Variants in EXOC5 observed in about 807,000 individuals in gnomAD.
The protein encoded by EXOC5 is exocyst complex component 5.
EXOC5 carries 17 observed loss-of-function variants against 90.8 expected under a neutral mutation model. That is an observed-to-expected ratio of 0.19 (90% confidence interval 0.13 to 0.28). EXOC5 has a LOEUF of 0.28. EXOC5 is among the 10% of genes least tolerant of loss of function. EXOC5 has a pLI of 1.00. For synonymous variants in EXOC5, 260 were observed against 270.0 expected, an observed-to-expected ratio of 0.96 and a Z score of 0.36; for missense variants, 569 against 830.6, an observed-to-expected ratio of 0.69 and a Z score of 3.87.
At chr14:57,224,298 C>CG (rs1319228183) in intron 12 of EXOC5, among the ~76,000 whole-genome samples, 1 of 151,232 alleles carries the variant, frequency 6.6e-6, no homozygotes, top group Non-Finnish European at 1.5e-5. Flanking sequence ...GCTGGTTCTT[C>CG]GGGGGGAAAT....
At chr14:57,267,804 T>C (rs114587688) in intron 1 of EXOC5, among the ~76,000 whole-genome samples, 1,553 of 152,320 alleles carry the variant, frequency 0.01, 27 homozygotes, top group African/African-American at 0.036. Flanking sequence ...ATTAGTATTC[T>C]CACTATTACA....
At chr14:57,230,314 A>C (rs1056199149) in intron 11 of EXOC5, among the ~76,000 whole-genome samples, 3 of 152,184 alleles carry the variant, frequency 2.0e-5, no homozygotes, top group Admixed American at 6.5e-5. Context: ...TATATTAAAC[A>C]TAATTTAGCT....
In EXOC5 at chr14:57,239,583, A is replaced by G; in HGVS notation, c.530+12T>C. On this transcript the variant is annotated intron_variant, in intron 5 of 17. Coordinates refer to ENST00000621441, the MANE Select transcript of EXOC5 (RefSeq NM_006544.4). ...CCACATATTCAAATTAGCTCTTGAG[A>G]AATGAACTTGCCTATCAAAAGGTAA... 7.0e-7 allele frequency: 1 copy of G among 1,424,556 alleles called. No homozygotes were observed. Among genetic ancestry groups the G allele is most frequent in the Non-Finnish European group, 9.6e-7 (1 of 1,042,170 alleles). The allele number at this position is 1,424,556 out of a possible 1,614,324, so 88.2% of individuals were successfully genotyped here.
chr14:57,229,895 A>G lies in EXOC5; in HGVS notation c.1149-14T>C. On this transcript the variant is annotated splice_polypyrimidine_tract_variant and intron_variant, in intron 11 of 17. Coordinates refer to ENST00000621441, the MANE Select transcript of EXOC5 (RefSeq NM_006544.4). The stretch of plus-strand genomic sequence containing the variant: ...AAATCTTGAATACTAGTACATCATA[A>G]AGACAAATGAAAAAAAGAAAACATT... 2 of 1,350,946 alleles carry G rather than the reference A, an allele frequency of 1.5e-6. No individual in the cohort carries two copies. Among genetic ancestry groups the G allele is most frequent in the Non-Finnish European group, 2.0e-6 (2 of 1,023,294 alleles). The allele number at this position is 1,350,946 out of a possible 1,614,324, so 83.7% of individuals were successfully genotyped here.
intron 3 of EXOC5, among the ~76,000 whole-genome samples, chr14:57,245,224 G>C (rs960124198): frequency 4.6e-5 from 7 of 151,994 alleles, no homozygotes; most frequent in African/African-American, 1.7e-4. Context: ...TGAATGCCTT[G>C]TAATTGCCAA....
rs374963185 is a variant in EXOC5 at position 57,202,234 on chromosome 14, GT to G, written c.*6374del. The G allele has an allele frequency of 5.4e-4, 82 of 152,262 alleles. No homozygotes were observed. The highest frequency in any genetic ancestry group is 1.9e-3 in the African/African-American group (79 of 41,552). 9.4% of individuals were successfully genotyped at this position (152,262 alleles called of 1,614,324 possible). A position where few individuals can be genotyped will look rare whatever the true frequency, so the allele number is the denominator to read the frequency against. ...GAGTCAAAAAAGTCAAGGAAAGACT[GT>G]GGAACTGTGTCAGAATGAATGAGAC... On this transcript the variant is annotated 3_prime_UTR_variant, in exon 18 of 18. Transcript: ENST00000621441.
rs1566720536 is a variant in EXOC5, at chr14:57,201,512, A to AAACACACATGTGTATATACACAAACG, written c.*7096_*7097insCGTTTGTGTATATACACATGTGTGTT. The AAACACACATGTGTATATACACAAACG allele has an allele frequency of 7.0e-6, 1 of 143,418 alleles. No homozygotes were observed. Among genetic ancestry groups the AAACACACATGTGTATATACACAAACG allele is most frequent in the Admixed American group, 6.9e-5 (1 of 14,524 alleles). 8.9% of individuals were successfully genotyped at this position (143,418 alleles called of 1,614,324 possible). ...AACACACGTGTATATACACACACATATGTATATATATACACACACACCACA... is the reference window on the plus strand; with the variant it reads ...AACACACGTGTATATACACACACATAAACACACATGTGTATATACACAAACGTGTATATATATACACACACACCACA... On this transcript the variant is annotated 3_prime_UTR_variant, in exon 18 of 18. Transcript: ENST00000621441.
chr14:57,262,739 A>ACG (rs1884551581), intron 1 of EXOC5, among the ~76,000 whole-genome samples: 7 of 100,828 alleles, frequency 6.9e-5, no homozygotes, highest in Admixed American at 5.9e-4. Flanking sequence ...ATACGTATAT[A>ACG]TGTGTGTGTG....
chr14:57,218,074 G>A lies in EXOC5; in HGVS notation c.1527-6C>T, dbSNP rs1456914285. ...CAGATAACTTAGGAGAAGAGCTATTGTATATTTAAAATGGAAAAAGAATCA... is the reference window on the plus strand; with the variant it reads ...CAGATAACTTAGGAGAAGAGCTATTATATATTTAAAATGGAAAAAGAATCA... On this transcript the variant is annotated splice_region_variant and splice_polypyrimidine_tract_variant and intron_variant, in intron 14 of 17. Coordinates refer to ENST00000621441, the MANE Select transcript of EXOC5 (RefSeq NM_006544.4). The A allele has an allele frequency of 8.1e-6, 11 of 1,356,236 alleles. No homozygotes were observed. Among genetic ancestry groups the A allele is most frequent in the Non-Finnish European group, 1.0e-5 (10 of 958,178 alleles). The allele number at this position is 1,356,236 out of a possible 1,614,324, so 84.0% of individuals were successfully genotyped here. A position where few individuals can be genotyped will look rare whatever the true frequency, so the allele number is the denominator to read the frequency against.
At chr14:57,225,685 G>C (rs1883285849) in intron 12 of EXOC5, among the ~76,000 whole-genome samples, 1 of 152,030 alleles carries the variant, frequency 6.6e-6, no homozygotes, top group African/African-American at 2.4e-5. Context: ...AATCAATTTG[G>C]AAAGTTTATT....
chr14:57,208,572 A>G lies in EXOC5; in HGVS notation c.*37T>C, dbSNP rs1213283938. ...GCTGAAGTATAAGACATTCCTCTGT[A>G]AAGGAACTGACACTGAATTCCTTTG... On this transcript the variant is annotated 3_prime_UTR_variant, in exon 18 of 18. Transcript: ENST00000621441. 20 of 1,523,976 alleles carry G rather than the reference A, an allele frequency of 1.3e-5. No individual in the cohort carries two copies. Among genetic ancestry groups the G allele is most frequent in the Non-Finnish European group, 1.7e-5 (19 of 1,105,038 alleles). The allele number at this position is 1,523,976 out of a possible 1,614,324, so 94.4% of individuals were successfully genotyped here.
chr14:57,242,015 C>T (rs922335262), intron 4 of EXOC5, among the ~76,000 whole-genome samples: 1 of 151,464 alleles, frequency 6.6e-6, no homozygotes, highest in Admixed American at 6.6e-5. Flanking sequence ...CGCCTGTGGT[C>T]CCAGCTACTC....
chr14:57,229,704 T>C (rs1007395570), intron 12 of EXOC5, 30 bp downstream of exon 12: 7 of 1,409,674 alleles, frequency 5.0e-6, no homozygotes, highest in Non-Finnish European at 5.7e-6. Flanking sequence ...AACAACTGTA[T>C]ATGTAAAATA....
At chr14:57,265,566 T>TG (rs750495791) in intron 1 of EXOC5, among the ~76,000 whole-genome samples, 5 of 151,964 alleles carry the variant, frequency 3.3e-5, no homozygotes, top group Non-Finnish European at 7.4e-5. Context: ...CTGCAAAAAA[T>TG]TTTTAAAAAT....
At chr14:57,223,143 A>G (rs548734685) in intron 12 of EXOC5, among the ~76,000 whole-genome samples, 2 of 152,222 alleles carry the variant, frequency 1.3e-5, no homozygotes, top group East Asian at 1.9e-4. Context: ...AAATAAGCAT[A>G]AAGTGTTTTT....
chr14:57,209,747 T>C lies in EXOC5; in HGVS notation c.1758A>G (p.Gln586=), dbSNP rs1452738756. The change falls in exon 17 of 18, where the codon CAA becomes CAG. Residue 586 remains glutamine, a synonymous_variant. Coordinates refer to ENST00000621441, the MANE Select transcript of EXOC5 (RefSeq NM_006544.4). Reference sequence around the variant, plus strand: ...CCATGGAATTTTTAATCTTCTCCACTTGTTTTCTTACGTAAGCACAGACTT... The same window carrying C: ...CCATGGAATTTTTAATCTTCTCCACCTGTTTTCTTACGTAAGCACAGACTT... ...CVKVCAYVRK[Q]VEKIKNSMDG... is the part of the protein sequence containing the mutation. 2 of 1,612,178 alleles carry C rather than the reference T, an allele frequency of 1.2e-6. No individual in the cohort carries two copies. Among genetic ancestry groups the C allele is most frequent in the Non-Finnish European group, 1.7e-6 (2 of 1,179,066 alleles).
At chr14:57,228,521 G>A (rs1396606072) in intron 12 of EXOC5, among the ~76,000 whole-genome samples, 1 of 152,130 alleles carries the variant, frequency 6.6e-6, no homozygotes, top group Admixed American at 6.5e-5. Context: ...ATACTATGCA[G>A]CCATCAAAAA....
rs1437869981 is a variant in EXOC5 at position 57,203,068 on chromosome 14, C to G, written c.*5541G>C. 6.6e-6 allele frequency: 1 copy of G among 152,088 alleles called. No individual in the cohort carries two copies. Among genetic ancestry groups the G allele is most frequent in the African/African-American group, 2.4e-5 (1 of 41,418 alleles). The allele number at this position is 152,088 out of a possible 1,614,324, so 9.4% of individuals were successfully genotyped here. On this transcript the variant is annotated 3_prime_UTR_variant, in exon 18 of 18. Transcript: ENST00000621441. The stretch of plus-strand genomic sequence containing the variant: ...GTAGCTTCACAGTTTTCTTTACATC[C>G]AGCATTGTCCAGACTCTATTTGGAT...
At chr14:57,260,489 G>A (rs1169391186) in intron 1 of EXOC5, among the ~76,000 whole-genome samples, 2 of 151,990 alleles carry the variant, frequency 1.3e-5, no homozygotes, top group Non-Finnish European at 2.9e-5. Flanking sequence ...CTATTTAAAC[G>A]ATGGTAGTTT....
Sources: allele counts gnomAD v4.1 joint callset (sites outside exome capture counted in the v4.1 genomes callset), GRCh38; gene constraint gnomAD v4.1.1; transcripts MANE v1.5; gene names NCBI Gene and HGNC (gene_info 2026-07-23, HGNC 2026-07-21).